PCDHA1: variants seen among roughly 807,000 people sequenced by gnomAD.
PCDHA1 encodes the protein protocadherin alpha 1, also known as protocadherin alpha-1.
A neutral mutation model predicts 61.3 loss-of-function variants in PCDHA1; 42 were observed. The observed-to-expected ratio is 0.69, with a 90% CI of 0.54 to 0.89. The LOEUF (loss-of-function observed/expected upper bound fraction) is 0.89. Ranked by LOEUF, PCDHA1 falls within the 40% of genes least tolerant of loss-of-function variation. PCDHA1 has a pLI of 0.00. For synonymous variants in PCDHA1, 610 were observed against 553.8 expected, an observed-to-expected ratio of 1.10 and a Z score of -1.43; for missense variants, 1,256 against 1,235.3, an observed-to-expected ratio of 1.02 and a Z score of -0.25.
At chr5:140,968,920 A>G (rs781931367) in intron 1 of PCDHA1, 1 of 1,614,120 alleles carries the variant, frequency 6.2e-7, no homozygotes, top group Admixed American at 1.7e-5. Flanking sequence ...TGTCTTTTAT[A>G]TTTCTTTTGA....
chr5:140,802,922 C>G (rs1763062929), intron 1 of PCDHA1: 2 of 1,613,734 alleles, frequency 1.2e-6, no homozygotes, highest in Non-Finnish European at 8.5e-7. Flanking sequence ...GCATCGGTGG[C>G]GCAGTGAGCG....
At chr5:140,978,716 T>C (rs1317618418) in intron 1 of PCDHA1, among the ~76,000 whole-genome samples, 2 of 152,252 alleles carry the variant, frequency 1.3e-5, no homozygotes, top group African/African-American at 4.8e-5. Flanking sequence ...CTTTACAAGA[T>C]TATTAAATCT....
chr5:140,802,694 G>A lies in PCDHA1; in HGVS notation c.2394+14010G>A, dbSNP rs782659406. 4.3e-6 allele frequency: 7 copies of A among 1,612,620 alleles called. No individual in the cohort carries two copies. In the Admixed American group the frequency reaches 8.3e-5, roughly 19 times the overall value. ...CCTACTCGCTGGTGGAACGGCGGGT[G>A]GGGGAGCGCGCGCTGTCGAGCTACG... is the stretch of plus-strand genomic sequence containing the variant. On this transcript the variant is annotated intron_variant, in intron 1 of 3. Transcript: ENST00000504120.
At chr5:140,991,101 T>C (rs1281707030) in intron 3 of PCDHA1, among the ~76,000 whole-genome samples, 3 of 152,218 alleles carry the variant, frequency 2.0e-5, no homozygotes, top group African/African-American at 4.8e-5. Flanking sequence ...CTCATAAGAA[T>C]TAAGTGGCTT....
At chr5:140,927,360 T>G in intron 1 of PCDHA1, 1 of 1,613,972 alleles carries the variant, frequency 6.2e-7, no homozygotes, top group Non-Finnish European at 8.5e-7. Flanking sequence ...AGGGAAGCAA[T>G]GGGATACTAA....
At chr5:140,856,940 A>G (rs2044280502) in intron 1 of PCDHA1, 1 of 1,593,596 alleles carries the variant, frequency 6.3e-7, no homozygotes, top group African/African-American at 1.3e-5. Context: ...AAACGAAAGG[A>G]CGGGAGAAAT....
intron 1 of PCDHA1, chr5:140,827,843 C>A: frequency 2.2e-6 from 1 of 460,554 alleles, no homozygotes; most frequent in East Asian, 3.5e-5. Context: ...AAAGAAGATA[C>A]TGTTTTAAAA....
At chr5:140,809,228 C>T (rs1764400715) in intron 1 of PCDHA1, 3 of 1,613,954 alleles carry the variant, frequency 1.9e-6, no homozygotes, top group Admixed American at 1.7e-5. Flanking sequence ...GGCCTCCTCA[C>T]GGGCGTTGGT....
At chr5:140,903,770 C>T (rs1583503336) in intron 1 of PCDHA1, among the ~76,000 whole-genome samples, 1 of 152,136 alleles carries the variant, frequency 6.6e-6, no homozygotes, top group Non-Finnish European at 1.5e-5. Flanking sequence ...CTGAACTTTT[C>T]TATCCATAAA....
intron 1 of PCDHA1, among the ~76,000 whole-genome samples, chr5:140,821,100 G>T (rs2150108683): frequency 2.6e-5 from 4 of 151,920 alleles, no homozygotes; most frequent in African/African-American, 9.7e-5. Flanking sequence ...TCAACAAAAT[G>T]TCACTATTAA....
chr5:140,836,661 T>C (rs2150267176), intron 1 of PCDHA1: 1 of 1,613,416 alleles, frequency 6.2e-7, no homozygotes, highest in Non-Finnish European at 8.5e-7. Context: ...GAGGGTGTGC[T>C]CTGGGGAGGG....
intron 1 of PCDHA1, among the ~76,000 whole-genome samples, chr5:140,955,031 A>C (rs782110698): frequency 6.6e-6 from 1 of 152,166 alleles, no homozygotes; most frequent in Non-Finnish European, 1.5e-5. Flanking sequence ...TAAATAGGGA[A>C]TCTTTTCCTC....
At position 140,786,687 on chromosome 5, in the gene PCDHA1, T is replaced by C. The variant is rs1554117512; in HGVS notation, c.397T>C (p.Phe133Leu). The C allele has an allele frequency of 3.1e-6, 5 of 1,614,128 alleles. No individual in the cohort carries two copies. Among genetic ancestry groups the C allele is most frequent in the East Asian group, 2.2e-5 (1 of 44,902 alleles). ...AGACATTAACGATAATCCACCCGTC[T>C]TCAGGGGCAGAGAACAAATAATATT... ...VKDINDNPPV[F>L]RGREQIIFIP... The change falls in exon 1 of 4, where the codon TTC (phenylalanine) becomes CTC (leucine). Residue 133 changes from phenylalanine (F) to leucine (L), a missense_variant. Phe to Leu is a conservative substitution (Grantham distance 22). Transcript: ENST00000504120.
intron 1 of PCDHA1, chr5:140,816,333 A>C (rs2126670713): frequency 6.6e-6 from 1 of 152,168 alleles, no homozygotes; most frequent in Non-Finnish European, 1.5e-5. Flanking sequence ...TGTATTCTTC[A>C]GTTCCAAAAT....
chr5:140,857,651 AGC>A (rs2044749625), intron 1 of PCDHA1: 2 of 1,596,558 alleles, frequency 1.3e-6, no homozygotes, highest in Middle Eastern at 2.0e-4. Flanking sequence ...GTTCCAGGTG[AGC>A]GCGCGCGATG....
chr5:140,957,468 T>C (rs1318789577), intron 1 of PCDHA1, among the ~76,000 whole-genome samples: 2 of 152,166 alleles, frequency 1.3e-5, no homozygotes, highest in African/African-American at 4.8e-5. Context: ...GGTATGTATG[T>C]ATAGGAAAAA....
intron 1 of PCDHA1, chr5:140,809,680 C>CTTTT: frequency 7.5e-7 from 1 of 1,338,360 alleles, no homozygotes; most frequent in African/African-American, 1.5e-5. Flanking sequence ...AATTTTACCT[C>CTTTT]TTTTTACATA....
chr5:140,862,448 C>A (rs2047370091), intron 1 of PCDHA1: 1 of 362,316 alleles, frequency 2.8e-6, no homozygotes. Flanking sequence ...TACTCCACAG[C>A]GCCCTGGACC....
In PCDHA1 at chr5:140,848,329, A is replaced by T. The variant is rs2150408889; in HGVS notation, c.2394+59645A>T. 1.7e-5 allele frequency: 14 copies of T among 818,896 alleles called. 1 individual carries two copies. The highest frequency in any genetic ancestry group is 2.5e-5 in the Non-Finnish European group (13 of 512,110). The allele number at this position is 818,896 out of a possible 1,614,324, so 50.7% of individuals were successfully genotyped here. A position where few individuals can be genotyped will look rare whatever the true frequency, so the allele number is the denominator to read the frequency against. On this transcript the variant is annotated intron_variant, in intron 1 of 3. Transcript: ENST00000504120. The stretch of plus-strand genomic sequence containing the variant: ...ACTCTTTGCCGCGATGTTCTCTCTG[A>T]ATCCAGACAAATACAGCCCTTTTCC...
Sources: allele counts gnomAD v4.1 joint callset (sites outside exome capture counted in the v4.1 genomes callset), GRCh38; gene constraint gnomAD v4.1.1; transcripts MANE v1.5; gene names NCBI Gene and HGNC (gene_info 2026-07-23, HGNC 2026-07-21).